Variants in UROS observed in about 807,000 individuals in gnomAD.
UROS encodes the protein uroporphyrinogen-III synthase.
UROS carries 18 observed loss-of-function variants against 33.0 expected under a neutral mutation model. The ratio of observed to expected loss-of-function variants is 0.55; its 90% CI spans 0.38 to 0.81. The LOEUF (loss-of-function observed/expected upper bound fraction) is 0.81. Ranked by LOEUF, UROS falls within the 30% of genes least tolerant of loss-of-function variation. UROS has a pLI of 0.00. For missense variants in UROS, 293 were observed against 314.9 expected, an observed-to-expected ratio of 0.93 and a Z score of 0.53; for synonymous variants, 114 against 121.1, an observed-to-expected ratio of 0.94 and a Z score of 0.38.
chr10:125,810,694 T>C (rs965545170), intron 5 of UROS, among the ~76,000 whole-genome samples: 5 of 152,236 alleles, frequency 3.3e-5, no homozygotes, highest in Non-Finnish European at 5.9e-5. Flanking sequence ...TCCAGGCTCC[T>C]GCTGAGATTC....
At chr10:125,801,925 A>C (rs901823910) in intron 6 of UROS, 2 of 828,386 alleles carry the variant, frequency 2.4e-6, no homozygotes, top group African/African-American at 1.8e-5. Flanking sequence ...TCTCCTTACA[A>C]ACAAACTGTG....
intron 6 of UROS, 143 bp from the exon 7 acceptor site, chr10:125,798,288 T>C: frequency 6.2e-6 from 5 of 812,388 alleles, no homozygotes. Context: ...TCAGCATCTG[T>C]AAACAGGAAG....
chr10:125,785,446 A>G (rs1850611947), downstream of UROS: 1 of 152,230 alleles, frequency 6.6e-6, no homozygotes, highest in African/African-American at 2.4e-5. Context: ...GAATATTGAG[A>G]CCACCTCACT....
intron 1 of UROS, chr10:125,816,749 C>G: frequency 1.7e-6 from 1 of 580,320 alleles, no homozygotes; most frequent in Non-Finnish European, 3.1e-6. Flanking sequence ...CTTGGAAAGA[C>G]AGATGAAACC....
At chr10:125,814,337 G>C (rs1853104034) in intron 4 of UROS, among the ~76,000 whole-genome samples, 1 of 152,188 alleles carries the variant, frequency 6.6e-6, no homozygotes, top group African/African-American at 2.4e-5. Flanking sequence ...CTGTGGAGGT[G>C]GGTGGCCCGA....
intron 5 of UROS, among the ~76,000 whole-genome samples, chr10:125,807,708 G>T (rs1017622048): frequency 3.9e-5 from 6 of 152,138 alleles, no homozygotes; most frequent in African/African-American, 1.2e-4. Flanking sequence ...GGGTAAGTAA[G>T]GCCTTAACTA....
At chr10:125,790,776 T>G (rs1179243020) in intron 9 of UROS, among the ~76,000 whole-genome samples, 1 of 92,726 alleles carries the variant, frequency 1.1e-5, no homozygotes, top group Non-Finnish European at 2.1e-5. Context: ...AGAGCAAAAC[T>G]CCATCTCAAA....
At chr10:125,815,593 C>T (rs1213290826) in intron 3 of UROS, among the ~76,000 whole-genome samples, 1 of 152,218 alleles carries the variant, frequency 6.6e-6, no homozygotes, top group Non-Finnish European at 1.5e-5. Context: ...GAGCCAGGCA[C>T]TAGGCTGCTG....
In UROS at chr10:125,802,411, C is replaced by T. The variant is rs541806863; in HGVS notation, c.395-4266G>A. 53 of 985,694 alleles carry T rather than the reference C, an allele frequency of 5.4e-5. No individual in the cohort carries two copies. The Middle Eastern group carries it at 2.6e-3, about 48-fold the overall frequency. 61.1% of individuals were successfully genotyped at this position (985,694 alleles called of 1,614,324 possible). A position where few individuals can be genotyped will look rare whatever the true frequency, so the allele number is the denominator to read the frequency against. Reference sequence around the variant, plus strand: ...TCTAGGCTGCTGTTAAAGAAAATGACCCCCAGCAATCCAGTCTGGAACATT... The same window carrying T: ...TCTAGGCTGCTGTTAAAGAAAATGATCCCCAGCAATCCAGTCTGGAACATT... On this transcript the variant is annotated intron_variant, in intron 6 of 9. Transcript: ENST00000368797.
chr10:125,819,608 T>A (rs1294898679), intron 1 of UROS: 1 of 152,286 alleles, frequency 6.6e-6, no homozygotes, highest in Non-Finnish European at 1.5e-5. Flanking sequence ...CTTAGCTCAC[T>A]CTGGTGGGTG....
intron 3 of UROS, among the ~76,000 whole-genome samples, 175 bp downstream of exon 3, chr10:125,816,002 A>T (rs1853287588): frequency 6.6e-6 from 1 of 152,150 alleles, no homozygotes; most frequent in African/African-American, 2.4e-5. Flanking sequence ...GGGCTGATAG[A>T]GGCTCAGTCA....
intron 1 of UROS, among the ~76,000 whole-genome samples, chr10:125,817,392 TTCC>T (rs888591764): frequency 1.6e-4 from 24 of 151,340 alleles, no homozygotes; most frequent in African/African-American, 5.8e-4. Context: ...CTCCTCTCTT[TTCC>T]TCATTTCTGC....
downstream of UROS, among the ~76,000 whole-genome samples, chr10:125,787,349 TCTC>T (rs1483533459): frequency 3.3e-5 from 5 of 152,136 alleles, no homozygotes; most frequent in East Asian, 1.9e-4. Flanking sequence ...AGCTTGGACT[TCTC>T]CTCCTCCTTC....
At chr10:125,820,461 C>T (rs1286967484) in intron 1 of UROS, among the ~76,000 whole-genome samples, 2 of 152,178 alleles carry the variant, frequency 1.3e-5, no homozygotes, top group African/African-American at 4.8e-5. Flanking sequence ...TGCTGCCCAC[C>T]TACTTTGGGG....
At chr10:125,802,146 C>T (rs1348550540) in intron 6 of UROS, 4 of 985,356 alleles carry the variant, frequency 4.1e-6, no homozygotes, top group Non-Finnish European at 4.8e-6. Context: ...CTAGAAACAA[C>T]ATTAGAAACA....
Position 125,814,323 on chromosome 10 carries a change from G to T in UROS, c.244+711C>A, listed in dbSNP as rs979517450. 2.0e-5 allele frequency among the ~76,000 whole-genome samples: 3 copies of T among 152,198 alleles called. No homozygotes were observed. In the South Asian group the frequency reaches 6.2e-4, roughly 32 times the overall value. On this transcript the variant is annotated intron_variant, in intron 4 of 9. Coordinates refer to ENST00000368797, the MANE Select transcript of UROS (RefSeq NM_000375.3). ...CTGCCCGCTGCCTCCGCTCATCAGT[G>T]TAACTGTGGAGGTGGGTGGCCCGAG... is the stretch of plus-strand genomic sequence containing the variant.
chr10:125,796,156 T>A lies in UROS; in HGVS notation c.508A>T (p.Thr170Ser), dbSNP rs750625439. ...IAMESITVYQ[T>S]VAHPGIQGNL... ...CCTTGGATTCCTGGGTGTGCAACTG[T>A]CTGATACACAGTTATGCTTTCCATG... Residue 170 changes from threonine to serine, a missense_variant, in exon 8 of 10, where the codon ACA (threonine) becomes TCA (serine). Coordinates refer to ENST00000368797, the MANE Select transcript of UROS (RefSeq NM_000375.3). 31 of 1,614,080 alleles carry A rather than the reference T, an allele frequency of 1.9e-5. No homozygotes were observed. The highest frequency in any genetic ancestry group is 2.5e-5 in the Non-Finnish European group (30 of 1,180,056).
At chr10:125,809,590 T>G (rs1177658409) in intron 5 of UROS, among the ~76,000 whole-genome samples, 1 of 152,224 alleles carries the variant, frequency 6.6e-6, no homozygotes, top group Non-Finnish European at 1.5e-5. Flanking sequence ...CAACATGTTT[T>G]CATTACAACA....
chr10:125,787,430 C>T (rs761685345), downstream of UROS, among the ~76,000 whole-genome samples: 51 of 152,188 alleles, frequency 3.4e-4, no homozygotes, highest in Non-Finnish European at 6.3e-4. Context: ...TGATCACACT[C>T]CAGCTATGGG....
Sources: allele counts gnomAD v4.1 joint callset (sites outside exome capture counted in the v4.1 genomes callset), GRCh38; gene constraint gnomAD v4.1.1; transcripts MANE v1.5; gene names NCBI Gene and HGNC (gene_info 2026-07-23, HGNC 2026-07-21).